The following SMAD2 variants were observed in gnomAD, a reference collection of about 807,000 sequenced individuals.
SMAD2 encodes MAD homolog 2.
A neutral mutation model predicts 64.4 loss-of-function variants in SMAD2; 8 were observed. That is an observed-to-expected ratio of 0.12 (90% confidence interval 0.07 to 0.22). SMAD2 has a LOEUF of 0.22. SMAD2 is among the 10% of genes least tolerant of loss of function. The pLI, the probability that SMAD2 is intolerant of heterozygous loss-of-function variation, is 1.00. For synonymous variants in SMAD2, 203 were observed against 195.8 expected (o/e 1.04, Z -0.31); for missense variants, 289 against 561.2 (o/e 0.51, Z 4.90).
chr18:47,831,720 TTAA>T lies in SMAD2; in HGVS notation c.*10104_*10106del. The T allele has an allele frequency of 6.6e-6, 1 of 152,246 alleles. No homozygotes were observed. The highest frequency in any genetic ancestry group is 1.9e-4 in the East Asian group (1 of 5,194). 9.4% of individuals were successfully genotyped at this position (152,246 alleles called of 1,614,324 possible). ...TCTGATTCAATGTTCTTGCCTTCTA[TTAA>T]TGTGATTTTAAGAATTACTGCATGT... On this transcript the variant is annotated 3_prime_UTR_variant, in exon 11 of 11. Coordinates refer to ENST00000262160, the MANE Select transcript of SMAD2 (RefSeq NM_005901.6).
intron 1 of SMAD2, chr18:47,920,114 T>A (rs1436841245): frequency 1.3e-5 from 2 of 152,194 alleles, no homozygotes; most frequent in Non-Finnish European, 2.9e-5. Flanking sequence ...ACCAGCATGG[T>A]TAGGTTCCAA....
chr18:47,840,785 G>T lies in SMAD2; in HGVS notation c.*1042C>A, dbSNP rs932463432. On this transcript the variant is annotated 3_prime_UTR_variant, in exon 11 of 11. Transcript: ENST00000262160. ...TATTGTAAAATACCTTTGGAAAAAC[G>T]GTATTTATAGATTAGCTTTTTTAAA... 3.0e-5 allele frequency: 7 copies of T among 230,980 alleles called. No individual in the cohort carries two copies. Among genetic ancestry groups the T allele is most frequent in the Non-Finnish European group, 5.1e-5 (6 of 116,768 alleles). The allele number at this position is 230,980 out of a possible 1,614,324, so 14.3% of individuals were successfully genotyped here.
chr18:47,916,261 C>A (rs1421719210), intron 1 of SMAD2, among the ~76,000 whole-genome samples: 1 of 152,122 alleles, frequency 6.6e-6, no homozygotes, highest in African/African-American at 2.4e-5. Context: ...AGTAGCCTTG[C>A]AAAATAATTT....
intron 1 of SMAD2, among the ~76,000 whole-genome samples, chr18:47,905,299 A>G (rs998783826): frequency 1.3e-5 from 2 of 152,228 alleles, no homozygotes; most frequent in African/African-American, 4.8e-5. Flanking sequence ...GCTAAGAAAA[A>G]TGAAAAACAC....
At chr18:47,856,815 T>C (rs1036610861) in intron 6 of SMAD2, among the ~76,000 whole-genome samples, 21 of 152,076 alleles carry the variant, frequency 1.4e-4, no homozygotes, top group Admixed American at 5.2e-4. Flanking sequence ...TGCAATTACA[T>C]ATAATGCTTA....
intron 1 of SMAD2, among the ~76,000 whole-genome samples, chr18:47,898,223 G>GA (rs1217488854): frequency 1.3e-5 from 2 of 152,214 alleles, no homozygotes; most frequent in Non-Finnish European, 2.9e-5. Context: ...CATTGCTGGT[G>GA]AAAAGGTCAA....
intron 1 of SMAD2, among the ~76,000 whole-genome samples, chr18:47,915,783 CA>C (rs1487743457): frequency 1.3e-5 from 2 of 152,198 alleles, no homozygotes; most frequent in African/African-American, 4.8e-5. Context: ...TCCAGCACCT[CA>C]GATGTCTCCC....
At chr18:47,922,702 A>G (rs955650282) in intron 1 of SMAD2, 9 of 152,264 alleles carry the variant, frequency 5.9e-5, no homozygotes, top group Non-Finnish European at 1.2e-4. Flanking sequence ...CTGGAATTGT[A>G]TAACTGTTTT....
At chr18:47,877,856 AATTT>A (rs1454732021) in intron 2 of SMAD2, among the ~76,000 whole-genome samples, 1 of 152,186 alleles carries the variant, frequency 6.6e-6, no homozygotes, top group Non-Finnish European at 1.5e-5. Flanking sequence ...TATATTAAGA[AATTT>A]ATTTCAAAAA....
chr18:47,847,456 A>T (rs925754833), intron 8 of SMAD2, among the ~76,000 whole-genome samples: 1 of 152,108 alleles, frequency 6.6e-6, no homozygotes, highest in Non-Finnish European at 1.5e-5. Context: ...TGGTTCTCAC[A>T]CTTTTTCACT....
At chr18:47,850,248 A>T (rs1279959625) in intron 7 of SMAD2, among the ~76,000 whole-genome samples, 1 of 75,522 alleles carries the variant, frequency 1.3e-5, no homozygotes, top group Non-Finnish European at 2.3e-5. Context: ...ATTATATATT[A>T]TATATATTAT....
At chr18:47,906,047 G>C (rs933710313) in intron 1 of SMAD2, among the ~76,000 whole-genome samples, 2 of 151,846 alleles carry the variant, frequency 1.3e-5, no homozygotes, top group Non-Finnish European at 2.9e-5. Context: ...ACAGGGGTGC[G>C]GAGGCTGCAG....
chr18:47,827,132 C>T lies in SMAD2; in HGVS notation c.*14695G>A, dbSNP rs930057520. On this transcript the variant is annotated 3_prime_UTR_variant, in exon 11 of 11. Transcript: ENST00000262160. ...GTTATTCTGTCCAGCCATTAAAATC[C>T]AAAAAAAAAATTTGTTCAAAGTAGG... The T allele has an allele frequency of 6.7e-6, 1 of 149,182 alleles. No homozygotes were observed. The highest frequency in any genetic ancestry group is 1.5e-5 in the Non-Finnish European group (1 of 67,160). 9.2% of individuals were successfully genotyped at this position (149,182 alleles called of 1,614,324 possible).
In SMAD2 at chr18:47,834,990, A is replaced by G. The variant is rs1438784335; in HGVS notation, c.*6837T>C. 1.3e-5 allele frequency: 3 copies of G among 222,482 alleles called. No homozygotes were observed. In the East Asian group the frequency reaches 1.9e-4, roughly 14 times the overall value. The allele number at this position is 222,482 out of a possible 1,614,324, so 13.8% of individuals were successfully genotyped here. Reference sequence around the variant, plus strand: ...CCAGGAGGTCTGGCCTTGGGAAAAGATGGCGAAAGGAATATTCTCAGATAT... The same window carrying G: ...CCAGGAGGTCTGGCCTTGGGAAAAGGTGGCGAAAGGAATATTCTCAGATAT... On this transcript the variant is annotated 3_prime_UTR_variant, in exon 11 of 11. Transcript: ENST00000262160.
chr18:47,861,340 A>G (rs758547465), intron 6 of SMAD2, among the ~76,000 whole-genome samples: 4 of 151,356 alleles, frequency 2.6e-5, no homozygotes, highest in Admixed American at 6.6e-5. Flanking sequence ...ACAATCAAAC[A>G]AAAAAAAACT....
At chr18:47,849,012 T>G (rs1312128431) in intron 7 of SMAD2, among the ~76,000 whole-genome samples, 1 of 152,162 alleles carries the variant, frequency 6.6e-6, no homozygotes, top group African/African-American at 2.4e-5. Flanking sequence ...ATAGGCAAAG[T>G]CAGTCAACTT....
In SMAD2 at chr18:47,810,219, T is replaced by C. The variant is rs1463394235; in HGVS notation, c.*31608A>G. ...TACTAAGAACCAAGTGAATTCCAAA[T>C]TGCACACACGAGAAGAAAGTAAGAG... On this transcript the variant is annotated 3_prime_UTR_variant, in exon 11 of 11. Transcript: ENST00000262160. 1.3e-5 allele frequency: 2 copies of C among 152,254 alleles called. No homozygotes were observed. Among genetic ancestry groups the C allele is most frequent in the Non-Finnish European group, 2.9e-5 (2 of 68,034 alleles). 9.4% of individuals were successfully genotyped at this position (152,254 alleles called of 1,614,324 possible).
intron 2 of SMAD2, among the ~76,000 whole-genome samples, chr18:47,880,205 A>G (rs985209695): frequency 5.3e-5 from 8 of 152,338 alleles, no homozygotes; most frequent in South Asian, 2.1e-4. Flanking sequence ...TATACTTTGA[A>G]CAATTCTCTG....
chr18:47,856,688 A>C (rs1407518933), intron 6 of SMAD2, among the ~76,000 whole-genome samples: 1 of 152,194 alleles, frequency 6.6e-6, no homozygotes, highest in East Asian at 1.9e-4. Context: ...CTAGAATCTG[A>C]CATCCTACTG....
Sources: allele counts gnomAD v4.1 joint callset (sites outside exome capture counted in the v4.1 genomes callset), GRCh38; gene constraint gnomAD v4.1.1; transcripts MANE v1.5; gene names NCBI Gene and HGNC (gene_info 2026-07-23, HGNC 2026-07-21).